The following TANK variants were observed in gnomAD, a reference collection of about 807,000 sequenced individuals.
The protein encoded by TANK is TRAF family member associated NFKB activator.
Under a neutral mutation model 43.6 loss-of-function variants are expected in TANK, and 15 were observed. That is an observed-to-expected ratio of 0.34 (90% CI 0.23 to 0.53). The LOEUF (loss-of-function observed/expected upper bound fraction) is 0.53. Ranked by LOEUF, TANK falls within the 20% of genes least tolerant of loss-of-function variation. The probability of loss-of-function intolerance (pLI) is 0.94; values close to 1 mark genes in which losing one functional copy is unlikely to be tolerated. For synonymous variants in TANK, 162 were observed against 178.2 expected, an observed-to-expected ratio of 0.91 and a Z score of 0.73; for missense variants, 417 against 498.6, an observed-to-expected ratio of 0.84 and a Z score of 1.56.
At position 161,138,486 on chromosome 2, in the gene TANK, G is replaced by A. The variant is rs549677949; in HGVS notation, c.-50+1423G>A. On this transcript the variant is annotated intron_variant, in intron 1 of 7. Coordinates refer to the TANK transcript ENST00000259075. ...AGGAAGATGACTTGGCCATGTTCAC[G>A]CAGCAACCAAGTCATTTTTAGAAGC... is the stretch of plus-strand genomic sequence containing the variant. 5.9e-5 allele frequency among the ~76,000 whole-genome samples: 9 copies of A among 152,246 alleles called. No homozygotes were observed. The South Asian group carries it at 1.0e-3, about 18-fold the overall frequency.
upstream of TANK, among the ~76,000 whole-genome samples, chr2:161,159,969 G>A (rs530362275): frequency 6.6e-6 from 1 of 152,274 alleles, no homozygotes; most frequent in East Asian, 1.9e-4. Flanking sequence ...ATAAATTTAC[G>A]AGGATCTGTT....
chr2:161,183,829 C>T (rs914047360), intron 2 of TANK, among the ~76,000 whole-genome samples: 1 of 151,634 alleles, frequency 6.6e-6, no homozygotes, highest in Non-Finnish European at 1.5e-5. Flanking sequence ...AATAAAATAT[C>T]ATTTATATCA....
chr2:161,202,916 A>G (rs2105343916), intron 2 of TANK: 1 of 459,594 alleles, frequency 2.2e-6, no homozygotes, highest in Non-Finnish European at 4.5e-6. Flanking sequence ...GGAAACTGGC[A>G]TTTAAGACAC....
At chr2:161,166,582 G>C (rs1328558051) in intron 1 of TANK, among the ~76,000 whole-genome samples, 1 of 152,096 alleles carries the variant, frequency 6.6e-6, no homozygotes, top group Non-Finnish European at 1.5e-5. Context: ...TACTCCTGAT[G>C]TGTTTTGTGG....
chr2:161,196,069 AG>A (rs1243150712), intron 2 of TANK, among the ~76,000 whole-genome samples: 3 of 152,176 alleles, frequency 2.0e-5, no homozygotes, highest in Non-Finnish European at 4.4e-5. Flanking sequence ...AGCAAGACAG[AG>A]CTCCGAAAGA....
rs979624568 is a variant in TANK at position 161,200,382 on chromosome 2, A to G, written c.100-3105A>G. 5 of 983,754 alleles carry G rather than the reference A, an allele frequency of 5.1e-6. No homozygotes were observed. The Admixed American group carries it at 3.1e-4, about 61-fold the overall frequency. The allele number at this position is 983,754 out of a possible 1,614,324, so 60.9% of individuals were successfully genotyped here. A position where few individuals can be genotyped will look rare whatever the true frequency, so the allele number is the denominator to read the frequency against. On this transcript the variant is annotated intron_variant, in intron 2 of 7. Coordinates refer to ENST00000392749, the MANE Select transcript of TANK (RefSeq NM_001199135.3). The stretch of plus-strand genomic sequence containing the variant: ...TTTCTGGTTTTAAGTTTAGGCAGAT[A>G]TGTTCTGTGAACAAAAGCATTTAAT...
In TANK at chr2:161,235,551, T is replaced by C. The variant is rs746050589; in HGVS notation, c.*33T>C. On this transcript the variant is annotated 3_prime_UTR_variant, in exon 8 of 8. Coordinates refer to ENST00000392749, the MANE Select transcript of TANK (RefSeq NM_001199135.3). ...TTGAAAACAGACATATCAAGTTCTATGTGATGATTTTGGGTTTTTAATACT... is the reference window on the plus strand; with the variant it reads ...TTGAAAACAGACATATCAAGTTCTACGTGATGATTTTGGGTTTTTAATACT... 12 of 1,552,742 alleles carry C rather than the reference T, an allele frequency of 7.7e-6. No homozygotes were observed. The highest frequency in any genetic ancestry group is 1.0e-5 in the Non-Finnish European group (12 of 1,147,498).
chr2:161,174,164 G>A (rs958681525), intron 1 of TANK, among the ~76,000 whole-genome samples: 6 of 152,108 alleles, frequency 3.9e-5, no homozygotes, highest in Non-Finnish European at 8.8e-5. Context: ...CTACAACTAT[G>A]TATGATGTGA....
intron 4 of TANK, 51 bp from the exon 5 acceptor site, chr2:161,223,864 G>C: frequency 8.0e-7 from 1 of 1,249,748 alleles, no homozygotes; most frequent in Non-Finnish European, 1.1e-6. Context: ...GACCTCATTT[G>C]AATTTGGGAG....
chr2:161,214,252 C>T (rs1319438564), intron 4 of TANK, among the ~76,000 whole-genome samples: 53 of 152,090 alleles, frequency 3.5e-4, no homozygotes, highest in Admixed American at 3.5e-3. Context: ...ATAACCATAG[C>T]TTGTGTGTCA....
intron 1 of TANK, among the ~76,000 whole-genome samples, chr2:161,149,757 T>C (rs13023641): frequency 2.1e-5 from 3 of 140,462 alleles, no homozygotes; most frequent in South Asian, 2.3e-4. Flanking sequence ...TTTTTTTTTT[T>C]CCATTTTTCT....
chr2:161,226,681 T>A (rs1392423005), intron 6 of TANK, among the ~76,000 whole-genome samples: 1 of 152,170 alleles, frequency 6.6e-6, no homozygotes, highest in Non-Finnish European at 1.5e-5. Flanking sequence ...ACATTTCCTA[T>A]TTATTATTAC....
chr2:161,160,549 G>C, intron 1 of TANK, 63 bp downstream of exon 1: 2 of 1,231,482 alleles, frequency 1.6e-6, no homozygotes, highest in Non-Finnish European at 2.1e-6. Flanking sequence ...CGGAGAATTT[G>C]TATGCGTGAG....
intron 4 of TANK, among the ~76,000 whole-genome samples, chr2:161,216,975 C>T (rs1386711549): frequency 3.9e-5 from 6 of 152,236 alleles, no homozygotes; most frequent in African/African-American, 9.6e-5. Flanking sequence ...ACTTTATAGA[C>T]GGAATGCTGC....
chr2:161,182,239 C>G (rs1685462428), intron 2 of TANK, among the ~76,000 whole-genome samples: 1 of 152,066 alleles, frequency 6.6e-6, no homozygotes, highest in African/African-American at 2.4e-5. Context: ...GCAGTGGACA[C>G]CAGCTAGATG....
intron 7 of TANK, chr2:161,232,781 T>C (rs1687983617): frequency 2.0e-5 from 31 of 1,550,560 alleles, no homozygotes; most frequent in Non-Finnish European, 2.7e-5. Flanking sequence ...GTACATTTGC[T>C]TTCTATACTA....
chr2:161,166,416 T>A (rs1684681993), intron 1 of TANK, among the ~76,000 whole-genome samples: 1 of 152,210 alleles, frequency 6.6e-6, no homozygotes, highest in East Asian at 1.9e-4. Flanking sequence ...CACAAGTAAA[T>A]GTGAGTAGTG....
At chr2:161,178,494 G>C (rs1256282092) in intron 1 of TANK, among the ~76,000 whole-genome samples, 2 of 151,920 alleles carry the variant, frequency 1.3e-5, no homozygotes, top group Non-Finnish European at 2.9e-5. Flanking sequence ...TGCTTACCAG[G>C]AGATGGGGGA....
intron 4 of TANK, chr2:161,212,334 T>C (rs1173070134): frequency 1.0e-6 from 1 of 971,118 alleles, no homozygotes; most frequent in African/African-American, 1.8e-5. Flanking sequence ...GTGCTAGGAT[T>C]ACAGGTGTGT....
Sources: gnomAD v4.1 joint callset for allele counts (sites outside exome capture counted in the v4.1 genomes callset) on GRCh38, gnomAD v4.1.1 for gene constraint, MANE v1.5 for transcripts, NCBI Gene and HGNC (gene_info 2026-07-23, HGNC 2026-07-21) for gene names.